NEK6: variants seen among roughly 807,000 people sequenced by gnomAD.
NEK6 encodes serine/threonine-protein kinase Nek6.
Under a neutral mutation model 43.5 loss-of-function variants are expected in NEK6, and 27 were observed. The ratio of observed to expected loss-of-function variants is 0.62; its 90% CI spans 0.46 to 0.86. The LOEUF (loss-of-function observed/expected upper bound fraction) is 0.86. NEK6 is among the 40% of genes least tolerant of loss of function. The pLI is 0.00. For synonymous variants in NEK6, 167 were observed against 164.1 expected (o/e 1.02, Z -0.14); for missense variants, 318 against 414.4 (o/e 0.77, Z 2.02).
chr9:124,312,044 A>C (rs1201834531), intron 2 of NEK6, among the ~76,000 whole-genome samples: 1 of 152,190 alleles, frequency 6.6e-6, no homozygotes, highest in Non-Finnish European at 1.5e-5. Flanking sequence ...CTGCCCCAGG[A>C]AGGGAACTTG....
chr9:124,282,394 C>T (rs1021488371), intron 1 of NEK6, among the ~76,000 whole-genome samples: 2 of 152,244 alleles, frequency 1.3e-5, no homozygotes, highest in African/African-American at 4.8e-5. Context: ...ATTTGGGCCA[C>T]CCTAATCCCA....
At position 124,348,588 on chromosome 9, in the gene NEK6, G is replaced by T. The variant is rs564549679; in HGVS notation, c.831+766G>T. Among the ~76,000 whole-genome samples, 5 of 152,274 alleles carry T rather than the reference G, an allele frequency of 3.3e-5. No individual in the cohort carries two copies. The South Asian group carries it at 6.2e-4, about 19-fold the overall frequency. On this transcript the variant is annotated intron_variant, in intron 9 of 9. Coordinates refer to ENST00000320246, the MANE Select transcript of NEK6 (RefSeq NM_014397.6). ...TCAGTTTCCTCACCTATACAATGGG[G>T]ATAATATTAAATCTTCCACACAGGA...
At chr9:124,350,082 C>G (rs1448691507) in intron 9 of NEK6, among the ~76,000 whole-genome samples, 2 of 152,206 alleles carry the variant, frequency 1.3e-5, no homozygotes, top group Non-Finnish European at 2.9e-5. Context: ...CCAGAGCCCC[C>G]TCTGGTTCAG....
At chr9:124,337,029 C>T (rs1829333900) in intron 7 of NEK6, among the ~76,000 whole-genome samples, 1 of 151,932 alleles carries the variant, frequency 6.6e-6, no homozygotes, top group Admixed American at 6.6e-5. Flanking sequence ...GGGCCTATGC[C>T]TCCAGAATAG....
intron 1 of NEK6, among the ~76,000 whole-genome samples, chr9:124,263,655 C>A (rs1019437492): frequency 6.6e-6 from 1 of 152,216 alleles, no homozygotes; most frequent in Non-Finnish European, 1.5e-5. Context: ...CAGAGTGTCT[C>A]CAGTGCCCCT....
chr9:124,349,380 A>C (rs367969874), intron 9 of NEK6, among the ~76,000 whole-genome samples: 9 of 152,302 alleles, frequency 5.9e-5, no homozygotes, highest in African/African-American at 1.4e-4. Flanking sequence ...TTTGGCTGTC[A>C]GTCTAGAAAT....
chr9:124,341,886 G>A (rs937542331), intron 8 of NEK6, among the ~76,000 whole-genome samples: 3 of 152,186 alleles, frequency 2.0e-5, no homozygotes, highest in African/African-American at 4.8e-5. Flanking sequence ...TGCACATTCC[G>A]AACAGCCCCG....
chr9:124,295,586 C>A (rs1832647641), intron 1 of NEK6, among the ~76,000 whole-genome samples: 1 of 152,176 alleles, frequency 6.6e-6, no homozygotes, highest in Admixed American at 6.5e-5. Context: ...GACCTGGCAC[C>A]CGTCACTCAA....
At chr9:124,332,760 C>T (rs753788) in intron 7 of NEK6, among the ~76,000 whole-genome samples, 93,094 of 151,870 alleles carry the variant, frequency 0.61, 28,852 homozygotes, top group East Asian at 0.79. Context: ...CTTGGGGAAG[C>T]GGGGCCCCTT....
intron 1 of NEK6, among the ~76,000 whole-genome samples, chr9:124,279,539 G>A (rs111756846): frequency 2.6e-5 from 4 of 152,324 alleles, no homozygotes; most frequent in African/African-American, 9.6e-5. Flanking sequence ...CTGACCTCAA[G>A]TGATTTGCCT....
At chr9:124,320,320 C>G (rs571664095) in intron 4 of NEK6, among the ~76,000 whole-genome samples, 33 of 152,320 alleles carry the variant, frequency 2.2e-4, no homozygotes, top group African/African-American at 7.9e-4. Flanking sequence ...GCTCTGGCCC[C>G]CAGGGCCCAC....
At chr9:124,281,499 T>C (rs943398521) in intron 1 of NEK6, among the ~76,000 whole-genome samples, 21 of 139,374 alleles carry the variant, frequency 1.5e-4, no homozygotes, top group African/African-American at 2.9e-4. Flanking sequence ...TTTTTTTTTT[T>C]TTTTTTTTTT....
intron 1 of NEK6, among the ~76,000 whole-genome samples, chr9:124,294,857 G>A (rs1040710679): frequency 2.0e-4 from 31 of 152,246 alleles, no homozygotes; most frequent in Non-Finnish European, 4.0e-4. Flanking sequence ...CTGCAGGGGA[G>A]TGTGGAGGCT....
chr9:124,265,122 C>T (rs750568623), intron 1 of NEK6, among the ~76,000 whole-genome samples: 3 of 152,150 alleles, frequency 2.0e-5, no homozygotes, highest in African/African-American at 4.8e-5. Flanking sequence ...GTGACGCAGA[C>T]GTTTTGGAAC....
At chr9:124,288,065 G>C (rs1490396569) in intron 1 of NEK6, among the ~76,000 whole-genome samples, 1 of 152,238 alleles carries the variant, frequency 6.6e-6, no homozygotes, top group African/African-American at 2.4e-5. Context: ...GAGCTGTGCA[G>C]CCTCTCTCGC....
intron 1 of NEK6, among the ~76,000 whole-genome samples, chr9:124,293,874 A>G (rs537709436): frequency 3.3e-5 from 5 of 152,362 alleles, no homozygotes; most frequent in South Asian, 2.1e-4. Context: ...TGTCCTCAAC[A>G]GCCCACCTTC....
At chr9:124,316,328 C>T (rs1833816987) in intron 4 of NEK6, among the ~76,000 whole-genome samples, 2 of 152,332 alleles carry the variant, frequency 1.3e-5, no homozygotes, top group South Asian at 2.1e-4. Context: ...TTTCTGATCA[C>T]CACTGAATGC....
intron 1 of NEK6, among the ~76,000 whole-genome samples, chr9:124,281,372 A>C (rs946970759): frequency 1.3e-5 from 2 of 151,906 alleles, no homozygotes; most frequent in African/African-American, 4.8e-5. Context: ...ACTGGTTCCC[A>C]AATCCCAGAC....
At chr9:124,331,623 C>G (rs10986320) in intron 7 of NEK6, among the ~76,000 whole-genome samples, 93,917 of 152,074 alleles carry the variant, frequency 0.62, 29,262 homozygotes, top group East Asian at 0.8. Flanking sequence ...TGTTGGTGGA[C>G]GACCTGGAGC....
Sources: gnomAD v4.1 joint callset for allele counts (sites outside exome capture counted in the v4.1 genomes callset) on GRCh38, gnomAD v4.1.1 for gene constraint, MANE v1.5 for transcripts, NCBI Gene and HGNC (gene_info 2026-07-23, HGNC 2026-07-21) for gene names.